TSHZ2: variants seen among roughly 807,000 people sequenced by gnomAD.
TSHZ2 encodes teashirt homolog 2.
In TSHZ2, 21 loss-of-function variants were observed where a neutral mutation model predicts 74.4. That is an observed-to-expected ratio of 0.28 (90% CI 0.20 to 0.41). The LOEUF (loss-of-function observed/expected upper bound fraction) is 0.41. Among genes scored for constraint, TSHZ2 ranks in the 10% least tolerant of loss-of-function variants. The probability of loss-of-function intolerance (pLI) is 1.00; values close to 1 mark genes in which losing one functional copy is unlikely to be tolerated. For synonymous variants in TSHZ2, 540 were observed against 515.3 expected, an observed-to-expected ratio of 1.05 and a Z score of -0.65; for missense variants, 1,244 against 1,293.5, an observed-to-expected ratio of 0.96 and a Z score of 0.59.
At position 53,465,893 on chromosome 20, in the gene TSHZ2, C is replaced by A. The variant is rs1985541580; in HGVS notation, c.*9-21251C>A. ...TTATTTAAGTGTGTGTTCCAATCTA[C>A]CAACCCTCTTTTCCAGTGTAGACAC... On this transcript the variant is annotated intron_variant, in intron 2 of 2. Coordinates refer to ENST00000371497, the MANE Select transcript of TSHZ2 (RefSeq NM_173485.6). 2.6e-5 allele frequency among the ~76,000 whole-genome samples: 4 copies of A among 151,060 alleles called. No homozygotes were observed. The South Asian group carries it at 6.3e-4, about 24-fold the overall frequency.
chr20:53,191,157 C>CAT lies in TSHZ2; in HGVS notation c.41-62331_41-62330dup, dbSNP rs397864582. ...ATACACACGTATACATACACATGTG[C>CAT]ATATATATATATGTACAAATCAAAC... On this transcript the variant is annotated intron_variant, in intron 1 of 2. Transcript: ENST00000371497. Among the ~76,000 whole-genome samples the CAT allele has an allele frequency of 2.6e-3, 387 of 151,568 alleles. 2 individuals carry two copies. The highest frequency in any genetic ancestry group is 7.9e-3 in the African/African-American group (328 of 41,320).
intron 2 of TSHZ2, among the ~76,000 whole-genome samples, chr20:53,332,696 G>A (rs115174496): frequency 0.011 from 1,721 of 152,302 alleles, 26 homozygotes; most frequent in African/African-American, 0.039. Flanking sequence ...CTAGATTCAG[G>A]AGGAATCAGC....
In TSHZ2 at chr20:53,033,651, C is replaced by CTTTTTTTT. The variant is rs61445726; in HGVS notation, c.40+60336_40+60343dup. On this transcript the variant is annotated intron_variant, in intron 1 of 2. Coordinates refer to ENST00000371497, the MANE Select transcript of TSHZ2 (RefSeq NM_173485.6). ...GCCCTCTGCATTGATTGATAAAAAG[C>CTTTTTTTT]TTTTTTTTTTTTTTTTTTTTTTTTT... Among the ~76,000 whole-genome samples the CTTTTTTTT allele has an allele frequency of 8.1e-4, 48 of 59,018 alleles. 7 individuals are homozygous for CTTTTTTTT. In the East Asian group the frequency reaches 0.01, roughly 12 times the overall value. The allele number at this position is 59,018 out of a possible 152,430, so 38.7% of individuals were successfully genotyped here.
chr20:53,466,589 T>C (rs879587030), intron 2 of TSHZ2, among the ~76,000 whole-genome samples: 2 of 152,252 alleles, frequency 1.3e-5, no homozygotes, highest in Admixed American at 1.3e-4. Context: ...TTTTGGAGTA[T>C]ACGAATGTGG....
At chr20:53,148,450 G>T (rs1987596139) in intron 1 of TSHZ2, among the ~76,000 whole-genome samples, 1 of 152,160 alleles carries the variant, frequency 6.6e-6, no homozygotes, top group Non-Finnish European at 1.5e-5. Context: ...GAGAAATCCT[G>T]CATAGGAAGA....
intron 1 of TSHZ2, among the ~76,000 whole-genome samples, chr20:53,013,598 AGTT>A (rs1187763879): frequency 6.6e-6 from 1 of 152,174 alleles, no homozygotes. Flanking sequence ...TATTTTAAGT[AGTT>A]GTTTGTGGAA....
intron 1 of TSHZ2, among the ~76,000 whole-genome samples, chr20:53,152,107 A>G (rs1487195382): frequency 1.3e-5 from 2 of 152,228 alleles, no homozygotes; most frequent in African/African-American, 4.8e-5. Flanking sequence ...ATCCTAAGAT[A>G]TACATTTTTC....
At chr20:53,167,909 T>A (rs1333885389) in intron 1 of TSHZ2, among the ~76,000 whole-genome samples, 1 of 152,198 alleles carries the variant, frequency 6.6e-6, no homozygotes, top group Non-Finnish European at 1.5e-5. Flanking sequence ...TCAAGGTGTT[T>A]CTTTATGCCC....
rs1988405313 is a variant in TSHZ2 at position 53,178,851 on chromosome 20, T to G, written c.41-74648T>G. ...CAGAATTTGCTATAAATTTGGATTT[T>G]CAAGCTATATCCTTTTTCATTTTCT... On this transcript the variant is annotated intron_variant, in intron 1 of 2. Coordinates refer to ENST00000371497, the MANE Select transcript of TSHZ2 (RefSeq NM_173485.6). 4.6e-5 allele frequency: 7 copies of G among 152,252 alleles called. No homozygotes were observed. In the South Asian group the frequency reaches 1.4e-3, roughly 31 times the overall value. The allele number at this position is 152,252 out of a possible 1,614,324, so 9.4% of individuals were successfully genotyped here.
chr20:53,142,994 C>T (rs896115985), intron 1 of TSHZ2, among the ~76,000 whole-genome samples: 8 of 152,106 alleles, frequency 5.3e-5, no homozygotes, highest in Non-Finnish European at 7.4e-5. Flanking sequence ...TTGCTTAATC[C>T]GGCGCTGACG....
At chr20:53,239,679 T>C (rs922324890) in intron 1 of TSHZ2, among the ~76,000 whole-genome samples, 3 of 152,192 alleles carry the variant, frequency 2.0e-5, no homozygotes, top group African/African-American at 7.2e-5. Context: ...AATTTTACAG[T>C]ATCAACCAGA....
chr20:53,138,746 C>T (rs1987316031), intron 1 of TSHZ2, among the ~76,000 whole-genome samples: 1 of 152,214 alleles, frequency 6.6e-6, no homozygotes, highest in Non-Finnish European at 1.5e-5. Flanking sequence ...AGCTGCTACA[C>T]TCTGCTGGTA....
chr20:53,474,371 G>T (rs1161188259), intron 2 of TSHZ2, among the ~76,000 whole-genome samples: 1 of 124,210 alleles, frequency 8.1e-6, no homozygotes, highest in Non-Finnish European at 1.7e-5. Flanking sequence ...TTAAAGAAAA[G>T]AATTTTCAAC....
At chr20:53,043,071 GT>G (rs1446370715) in intron 1 of TSHZ2, among the ~76,000 whole-genome samples, 2 of 152,120 alleles carry the variant, frequency 1.3e-5, no homozygotes, top group Non-Finnish European at 2.9e-5. Flanking sequence ...ATTTTTTTAG[GT>G]TGGCAAAGAA....
At chr20:53,090,257 A>G (rs1888180060) in intron 1 of TSHZ2, among the ~76,000 whole-genome samples, 1 of 152,074 alleles carries the variant, frequency 6.6e-6, no homozygotes, top group South Asian at 2.1e-4. Context: ...ACCCAGACTG[A>G]GGGTGGGTCT....
intron 1 of TSHZ2, among the ~76,000 whole-genome samples, chr20:53,217,478 G>A (rs1393383156): frequency 6.6e-6 from 1 of 152,136 alleles, no homozygotes; most frequent in Non-Finnish European, 1.5e-5. Flanking sequence ...AGCAACGCCA[G>A]TGAACCGTTG....
chr20:53,360,099 T>C (rs1284034425), intron 2 of TSHZ2, among the ~76,000 whole-genome samples: 1 of 152,254 alleles, frequency 6.6e-6, no homozygotes, highest in Admixed American at 6.5e-5. Context: ...GCCCATTTCA[T>C]AGCCCTTGCT....
intron 1 of TSHZ2, among the ~76,000 whole-genome samples, chr20:53,128,860 T>G (rs1336710233): frequency 6.6e-6 from 1 of 152,132 alleles, no homozygotes; most frequent in Non-Finnish European, 1.5e-5. Context: ...GACCTCGGGA[T>G]CCAATCCCCT....
chr20:53,395,494 A>G lies in TSHZ2; in HGVS notation c.*9-91650A>G, dbSNP rs549158522. Among the ~76,000 whole-genome samples the G allele has an allele frequency of 2.6e-5, 4 of 152,362 alleles. No individual in the cohort carries two copies. The South Asian group carries it at 8.3e-4, about 32-fold the overall frequency. On this transcript the variant is annotated intron_variant, in intron 2 of 2. Coordinates refer to ENST00000371497, the MANE Select transcript of TSHZ2 (RefSeq NM_173485.6). ...AATCATTCTCCATTGAGCTAGCCAA[A>G]TATCTTCAATAAATAATGCAAAAAT...
Sources: gnomAD v4.1 joint callset for allele counts (sites outside exome capture counted in the v4.1 genomes callset) on GRCh38, gnomAD v4.1.1 for gene constraint, MANE v1.5 for transcripts, NCBI Gene and HGNC (gene_info 2026-07-23, HGNC 2026-07-21) for gene names.